The following PIGG variants were observed in gnomAD, a reference collection of about 807,000 sequenced individuals.
PIGG encodes phosphatidylinositol glycan anchor biosynthesis class G (EMM blood group), also known as GPI ethanolamine phosphate transferase 2, catalytic subunit.
In PIGG, 70 loss-of-function variants were observed where a neutral mutation model predicts 83.2. The observed-to-expected ratio is 0.84, with a 90% CI of 0.69 to 1.03. The LOEUF is 1.03. Ranked by LOEUF, PIGG falls within the 50% of genes least tolerant of loss-of-function variation. The pLI is 0.00. For missense variants in PIGG, 1,257 were observed against 1,233.6 expected, an observed-to-expected ratio of 1.02 and a Z score of -0.28; for synonymous variants, 532 against 519.5, an observed-to-expected ratio of 1.02 and a Z score of -0.33.
chr4:505,649 A>AAAAAAT, intron 2 of PIGG, 69 bp from the exon 3 acceptor site: 4 of 1,104,404 alleles, frequency 3.6e-6, no homozygotes, highest in Non-Finnish European at 5.3e-6. Flanking sequence ...AAAAAAAAAA[A>AAAAAAT]TCTTCAGTGC....
At chr4:504,417 G>T (rs1184788724) in intron 2 of PIGG, among the ~76,000 whole-genome samples, 1 of 152,206 alleles carries the variant, frequency 6.6e-6, no homozygotes, top group African/African-American at 2.4e-5. Context: ...AACACCATGG[G>T]CACTTGCTGT....
At chr4:526,410 G>A (rs1036805746) in intron 9 of PIGG, among the ~76,000 whole-genome samples, 6 of 152,224 alleles carry the variant, frequency 3.9e-5, no homozygotes, top group Non-Finnish European at 5.9e-5. Flanking sequence ...CTGCACCACC[G>A]CATCGCGGTC....
intron 9 of PIGG, chr4:524,575 G>T (rs1727052990): frequency 6.6e-6 from 1 of 152,182 alleles, no homozygotes; most frequent in South Asian, 2.1e-4. Context: ...GCGAGAATGC[G>T]CTCATTACTG....
intron 12 of PIGG, among the ~76,000 whole-genome samples, chr4:537,993 C>T (rs1731082363): frequency 6.6e-6 from 1 of 152,046 alleles, no homozygotes; most frequent in Non-Finnish European, 1.5e-5. Flanking sequence ...GCATGTGGGG[C>T]CCAGACACAC....
rs183354102 is a variant in PIGG at position 503,451 on chromosome 4, C to T, written c.361-2267C>T. On this transcript the variant is annotated intron_variant, in intron 2 of 12. Transcript: ENST00000453061. ...TCATATAGGCCCCCTTCCGTGTTCC[C>T]TTGCCCTTCATCCACACAGGTCACA... is the stretch of plus-strand genomic sequence containing the variant. Among the ~76,000 whole-genome samples the T allele has an allele frequency of 4.1e-3, 619 of 152,288 alleles. 1 individual carries two copies. The highest frequency in any genetic ancestry group is 0.014 in the African/African-American group (588 of 41,548).
At chr4:537,688 G>A (rs541006328) in intron 12 of PIGG, among the ~76,000 whole-genome samples, 10 of 152,310 alleles carry the variant, frequency 6.6e-5, no homozygotes, top group Admixed American at 6.5e-5. Context: ...GCCACCCACC[G>A]GGAGATCCCA....
chr4:518,673 G>A (rs965787356), intron 6 of PIGG, among the ~76,000 whole-genome samples: 1 of 152,146 alleles, frequency 6.6e-6, no homozygotes, highest in African/African-American at 2.4e-5. Context: ...GTAGTGGCTG[G>A]GGGAAGATGG....
At chr4:510,227 T>C (rs1300033050) in intron 5 of PIGG, among the ~76,000 whole-genome samples, 1 of 152,212 alleles carries the variant, frequency 6.6e-6, no homozygotes, top group East Asian at 1.9e-4. Context: ...GCATTGGTTC[T>C]ACTGATTCTA....
rs549285275 is a variant in PIGG at position 528,449 on chromosome 4, CT to C, written c.2261+1220del. 4.9e-5 allele frequency: 48 copies of C among 985,248 alleles called. No homozygotes were observed. The highest frequency in any genetic ancestry group is 5.2e-4 in the Middle Eastern group (1 of 1,936). The allele number at this position is 985,248 out of a possible 1,614,324, so 61.0% of individuals were successfully genotyped here. A position where few individuals can be genotyped will look rare whatever the true frequency, so the allele number is the denominator to read the frequency against. On this transcript the variant is annotated intron_variant, in intron 10 of 12. Coordinates refer to ENST00000453061, the MANE Select transcript of PIGG (RefSeq NM_001127178.3). This position sits in a 1 kb window ranked among gnomAD's most constrained non-coding sequence, Gnocchi z 4.8. ...TGGCCGTGGGGCTCCGGGGGCACCC[CT>C]GGAAGTACTTCCTGGCTGAGTGGGG... is the stretch of plus-strand genomic sequence containing the variant.
chr4:539,524 A>C lies in PIGG; in HGVS notation c.*155A>C, dbSNP rs1731567474. The C allele has an allele frequency of 3.3e-6, 2 of 603,480 alleles. No homozygotes were observed. The highest frequency in any genetic ancestry group is 2.8e-5 in the East Asian group (1 of 36,320). The allele number at this position is 603,480 out of a possible 1,614,324, so 37.4% of individuals were successfully genotyped here. On this transcript the variant is annotated 3_prime_UTR_variant, in exon 13 of 13. Transcript: ENST00000453061. ...AAATAGTTTAATAAAAGATCACTTT[A>C]ATATACAGTTTGTATCATATTTTCC...
At chr4:530,878 C>A in intron 11 of PIGG, 133 bp downstream of exon 11, 1 of 671,238 alleles carries the variant, frequency 1.5e-6, no homozygotes. Context: ...GCTGAACTCT[C>A]GTGTATTTTA....
At chr4:512,023 A>G (rs953614991) in intron 5 of PIGG, among the ~76,000 whole-genome samples, 2 of 152,014 alleles carry the variant, frequency 1.3e-5, no homozygotes, top group African/African-American at 2.4e-5. Flanking sequence ...TCTGTATTTT[A>G]TGTTTACTCA....
rs760444554 is a variant in PIGG at position 527,243 on chromosome 4, C to A, written c.2261+13C>A. On this transcript the variant is annotated intron_variant, in intron 10 of 12. Transcript: ENST00000453061. ...AGGACATTTCCAAGTAAGTGCGTGG[C>A]GGACACGGGGTGCATAGAGCCACTT... 6.4e-7 allele frequency: 1 copy of A among 1,567,810 alleles called. No homozygotes were observed. Among genetic ancestry groups the A allele is most frequent in the South Asian group, 1.2e-5 (1 of 83,260 alleles).
chr4:533,710 A>G, intron 11 of PIGG, 108 bp from the exon 12 acceptor site: 1 of 1,039,846 alleles, frequency 9.6e-7, no homozygotes, highest in Non-Finnish European at 1.5e-6. Flanking sequence ...CGGCGTGGTT[A>G]TCTGGGCTGC....
chr4:526,939 A>G, intron 9 of PIGG, 100 bp from the exon 10 acceptor site: 4 of 1,299,708 alleles, frequency 3.1e-6, no homozygotes, highest in Non-Finnish European at 4.3e-6. Context: ...TTTTGGGAAA[A>G]TCAGCTATTT....
At chr4:530,855 C>G in intron 11 of PIGG, 110 bp downstream of exon 11, 1 of 759,832 alleles carries the variant, frequency 1.3e-6, no homozygotes, top group South Asian at 1.8e-5. Flanking sequence ...GTCAGTGTGG[C>G]ATGGTGAATT....
chr4:516,301 ACTC>A, intron 6 of PIGG, 116 bp downstream of exon 6: 2 of 685,404 alleles, frequency 2.9e-6, no homozygotes, highest in Non-Finnish European at 5.2e-6. Flanking sequence ...TTTCATCACT[ACTC>A]TTTGATGATA....
chr4:526,963 T>G, intron 9 of PIGG, 76 bp from the exon 10 acceptor site: 5 of 1,526,394 alleles, frequency 3.3e-6, no homozygotes, highest in Non-Finnish European at 3.6e-6. Flanking sequence ...AATACCGTTC[T>G]TTGAAAGCCA....
At chr4:504,878 A>G (rs563361671) in intron 2 of PIGG, among the ~76,000 whole-genome samples, 93 of 152,274 alleles carry the variant, frequency 6.1e-4, no homozygotes, top group African/African-American at 2.2e-3. Context: ...AATATGGGGC[A>G]ACATTGAGGG....
Sources: allele counts gnomAD v4.1 joint callset (sites outside exome capture counted in the v4.1 genomes callset), GRCh38; gene constraint gnomAD v4.1.1; non-coding constraint Gnocchi (gnomAD v3.1); transcripts MANE v1.5; gene names NCBI Gene and HGNC (gene_info 2026-07-23, HGNC 2026-07-21).